SPAG16: variants seen among roughly 807,000 people sequenced by gnomAD.
SPAG16 encodes the protein sperm associated antigen 16.
In SPAG16, 86 loss-of-function variants were observed where a neutral mutation model predicts 80.4. The ratio of observed to expected loss-of-function variants is 1.07; its 90% CI spans 0.90 to 1.28. The LOEUF is 1.28. Among genes scored for constraint, SPAG16 ranks in the 50% most tolerant of loss-of-function variants. SPAG16 has a pLI of 0.00. For synonymous variants in SPAG16, 294 were observed against 265.9 expected, an observed-to-expected ratio of 1.11 and a Z score of -1.03; for missense variants, 870 against 765.3, an observed-to-expected ratio of 1.14 and a Z score of -1.61.
At chr2:213,468,815 A>G (rs2072904547) in intron 9 of SPAG16, among the ~76,000 whole-genome samples, 1 of 151,790 alleles carries the variant, frequency 6.6e-6, no homozygotes. Flanking sequence ...ACAACAGGCC[A>G]TCTGCAAGCT....
At chr2:213,963,093 C>CT (rs61193296) in intron 12 of SPAG16, among the ~76,000 whole-genome samples, 113 of 140,708 alleles carry the variant, frequency 8.0e-4, no homozygotes, top group Middle Eastern at 4.0e-3. Flanking sequence ...TTAGTTTGCT[C>CT]TTTTTTTTTT....
At chr2:214,283,535 GAA>G (rs1224233763) in intron 15 of SPAG16, among the ~76,000 whole-genome samples, 1 of 152,064 alleles carries the variant, frequency 6.6e-6, no homozygotes, top group African/African-American at 2.4e-5. Context: ...TGTGGAAACA[GAA>G]AGATCCATTA....
chr2:213,565,284 GAAGA>G (rs1575995329), intron 10 of SPAG16, among the ~76,000 whole-genome samples: 1 of 152,200 alleles, frequency 6.6e-6, no homozygotes, highest in Admixed American at 6.5e-5. Flanking sequence ...TTAATGAACA[GAAGA>G]AAGAGATACT....
At chr2:213,788,332 T>A (rs1052559472) in intron 10 of SPAG16, among the ~76,000 whole-genome samples, 2 of 151,908 alleles carry the variant, frequency 1.3e-5, no homozygotes, top group African/African-American at 4.8e-5. Flanking sequence ...CAATCACATT[T>A]ATACAAATCT....
At chr2:213,356,434 T>C (rs1366143982) in intron 7 of SPAG16, among the ~76,000 whole-genome samples, 1 of 152,226 alleles carries the variant, frequency 6.6e-6, no homozygotes, top group Non-Finnish European at 1.5e-5. Context: ...AGCCTGTGAT[T>C]GGTCAATTCA....
chr2:214,036,465 A>G lies in SPAG16; in HGVS notation c.1527+22388A>G, dbSNP rs71426353. ...GAGTCGTTGCTTCTAGGCATTGTTAATATTAATAAACAAAGCCAGAAATAG... is the reference window on the plus strand; with the variant it reads ...GAGTCGTTGCTTCTAGGCATTGTTAGTATTAATAAACAAAGCCAGAAATAG... On this transcript the variant is annotated intron_variant, in intron 13 of 15. Coordinates refer to ENST00000331683, the MANE Select transcript of SPAG16 (RefSeq NM_024532.5). 3.3e-3 allele frequency among the ~76,000 whole-genome samples: 507 copies of G among 152,320 alleles called. 1 individual carries two copies. The highest frequency in any genetic ancestry group is 5.6e-3 in the Non-Finnish European group (378 of 68,020).
chr2:214,097,165 AG>A (rs1419131184), intron 13 of SPAG16, among the ~76,000 whole-genome samples: 1 of 152,082 alleles, frequency 6.6e-6, no homozygotes, highest in Non-Finnish European at 1.5e-5. Context: ...AGAATATAGT[AG>A]GTGATAAGTA....
intron 9 of SPAG16, among the ~76,000 whole-genome samples, chr2:213,429,538 C>G (rs780416420): frequency 6.6e-6 from 1 of 152,110 alleles, no homozygotes; most frequent in Non-Finnish European, 1.5e-5. Flanking sequence ...TGAAGTTCGG[C>G]CTACACAATC....
At chr2:213,639,840 A>G (rs2062518711) in intron 10 of SPAG16, among the ~76,000 whole-genome samples, 2 of 152,168 alleles carry the variant, frequency 1.3e-5, no homozygotes, top group South Asian at 2.1e-4. Context: ...TAAGTTTTCC[A>G]AACTTTTAGA....
chr2:213,354,494 C>A (rs1482689354), intron 7 of SPAG16, among the ~76,000 whole-genome samples: 1 of 152,178 alleles, frequency 6.6e-6, no homozygotes, highest in Admixed American at 6.5e-5. Flanking sequence ...CTAATTTACA[C>A]TCCCACCAAC....
At position 213,572,579 on chromosome 2, in the gene SPAG16, G is replaced by T. The variant is rs559581028; in HGVS notation, c.1070+82489G>T. Among the ~76,000 whole-genome samples the T allele has an allele frequency of 1.9e-3, 283 of 152,282 alleles. 1 individual carries two copies. The highest frequency in any genetic ancestry group is 3.2e-3 in the Non-Finnish European group (218 of 68,030). ...GTCAGGAGTCAGGGACCCACTTGAGGAGGCAGTCGGCGGGTTCTCAGATCT... is the reference window on the plus strand; with the variant it reads ...GTCAGGAGTCAGGGACCCACTTGAGTAGGCAGTCGGCGGGTTCTCAGATCT... On this transcript the variant is annotated intron_variant, in intron 10 of 15. Transcript: ENST00000331683.
At chr2:214,275,614 T>C (rs560593562) in intron 15 of SPAG16, among the ~76,000 whole-genome samples, 1 of 152,358 alleles carries the variant, frequency 6.6e-6, no homozygotes, top group African/African-American at 2.4e-5. Flanking sequence ...TGAGTGAGTT[T>C]CTTAATCCTG....
At chr2:213,561,084 G>A (rs370277508) in intron 10 of SPAG16, among the ~76,000 whole-genome samples, 5 of 152,104 alleles carry the variant, frequency 3.3e-5, no homozygotes, top group Admixed American at 1.3e-4. Flanking sequence ...GGCTGGTCTC[G>A]AACTCCTGAC....
chr2:213,682,347 A>T (rs973001616), intron 10 of SPAG16, among the ~76,000 whole-genome samples: 8 of 152,228 alleles, frequency 5.3e-5, no homozygotes, highest in Admixed American at 2.0e-4. Flanking sequence ...GGTTCTTTTT[A>T]CCCTAGAACC....
intron 13 of SPAG16, among the ~76,000 whole-genome samples, chr2:214,052,965 T>C (rs2049740270): frequency 6.6e-6 from 1 of 152,248 alleles, no homozygotes; most frequent in Non-Finnish European, 1.5e-5. Flanking sequence ...GAGTTTTTTC[T>C]GCCTACATTC....
At chr2:213,791,153 A>G (rs993073482) in intron 10 of SPAG16, among the ~76,000 whole-genome samples, 2 of 152,102 alleles carry the variant, frequency 1.3e-5, no homozygotes, top group African/African-American at 4.8e-5. Context: ...TGATTGCCAA[A>G]TTTCTTTTAG....
At chr2:213,476,813 C>T (rs1291129935) in intron 9 of SPAG16, among the ~76,000 whole-genome samples, 1 of 141,792 alleles carries the variant, frequency 7.1e-6, no homozygotes, top group African/African-American at 2.5e-5. Context: ...TCTCGCTGCC[C>T]ACAGCTTGGT....
chr2:213,540,351 A>C (rs969350968), intron 10 of SPAG16, among the ~76,000 whole-genome samples: 2 of 152,052 alleles, frequency 1.3e-5, no homozygotes, highest in African/African-American at 4.8e-5. Context: ...TGCCCGGCCC[A>C]AAAACAATCA....
intron 12 of SPAG16, among the ~76,000 whole-genome samples, chr2:213,949,184 T>TTTTTTTTTTGTTTTGTTTTG (rs2079619700): frequency 5.2e-5 from 1 of 19,186 alleles, no homozygotes. Flanking sequence ...TTTTTTTTTT[T>TTTTTTTTTTGTTTTGTTTTG]TTTTTTTTTG....
Sources: gnomAD v4.1 joint callset for allele counts (sites outside exome capture counted in the v4.1 genomes callset) on GRCh38, gnomAD v4.1.1 for gene constraint, MANE v1.5 for transcripts, NCBI Gene and HGNC (gene_info 2026-07-23, HGNC 2026-07-21) for gene names.